The following CNTN5 variants were observed in gnomAD, a reference collection of about 807,000 sequenced individuals.
The protein encoded by CNTN5 is contactin 5.
A neutral mutation model predicts 129.1 loss-of-function variants in CNTN5; 77 were observed. That is an observed-to-expected ratio of 0.60 (90% CI 0.50 to 0.72). The LOEUF (loss-of-function observed/expected upper bound fraction) is 0.72, where lower values mean the gene tolerates loss of function less well. Among genes scored for constraint, CNTN5 ranks in the 30% least tolerant of loss-of-function variants. CNTN5 has a pLI of 0.00. For synonymous variants in CNTN5, 509 were observed against 465.6 expected (o/e 1.09, Z -1.20); for missense variants, 1,478 against 1,328.8 (o/e 1.11, Z -1.75).
intron 2 of CNTN5, among the ~76,000 whole-genome samples, chr11:99,519,467 A>G (rs1220925705): frequency 6.6e-6 from 1 of 152,054 alleles, no homozygotes; most frequent in Non-Finnish European, 1.5e-5. Flanking sequence ...TCTGTTTCTA[A>G]GGTGTCTATC....
chr11:100,317,809 C>T (rs1325312041), intron 21 of CNTN5, among the ~76,000 whole-genome samples: 2 of 152,154 alleles, frequency 1.3e-5, no homozygotes, highest in African/African-American at 4.8e-5. Flanking sequence ...AATTCTGTAA[C>T]TAAAACAACT....
At chr11:99,440,498 T>C (rs1031870795) in intron 2 of CNTN5, among the ~76,000 whole-genome samples, 63 of 152,162 alleles carry the variant, frequency 4.1e-4, no homozygotes, top group African/African-American at 1.5e-3. Flanking sequence ...TCTAATCCAC[T>C]GTGCTTTCTG....
At chr11:99,202,890 G>A (rs753265757) in intron 1 of CNTN5, among the ~76,000 whole-genome samples, 14 of 151,598 alleles carry the variant, frequency 9.2e-5, no homozygotes, top group Non-Finnish European at 1.5e-4. Context: ...ATTTTCAATG[G>A]TTTTAAATTG....
intron 6 of CNTN5, among the ~76,000 whole-genome samples, chr11:99,889,942 T>A (rs772363809): frequency 6.6e-6 from 1 of 152,206 alleles, no homozygotes; most frequent in Non-Finnish European, 1.5e-5. Flanking sequence ...TTCTACATAC[T>A]GATTTATTTT....
intron 3 of CNTN5, among the ~76,000 whole-genome samples, chr11:99,702,111 C>T (rs1591501223): frequency 6.6e-6 from 1 of 150,910 alleles, no homozygotes; most frequent in East Asian, 1.9e-4. Context: ...GACAAAAGCT[C>T]ACAAAAACTA....
At chr11:99,242,619 G>A (rs1486873587) in intron 1 of CNTN5, among the ~76,000 whole-genome samples, 1 of 152,136 alleles carries the variant, frequency 6.6e-6, no homozygotes, top group Admixed American at 6.5e-5. Context: ...TAGTTTTTCA[G>A]TTCTTGCCCT....
chr11:99,126,793 T>A (rs1858657473), intron 1 of CNTN5, among the ~76,000 whole-genome samples: 1 of 152,210 alleles, frequency 6.6e-6, no homozygotes, highest in African/African-American at 2.4e-5. Flanking sequence ...CTCTAATAGA[T>A]ATGTAGATTT....
At chr11:100,062,857 C>T (rs1345498111) in intron 10 of CNTN5, among the ~76,000 whole-genome samples, 1 of 152,188 alleles carries the variant, frequency 6.6e-6, no homozygotes, top group Non-Finnish European at 1.5e-5. Context: ...AGACAACGCT[C>T]TCTAGCCATA....
intron 2 of CNTN5, among the ~76,000 whole-genome samples, chr11:99,385,289 C>T (rs149623653): frequency 2.2e-4 from 33 of 152,172 alleles, no homozygotes; most frequent in Admixed American, 9.8e-4. Context: ...TCAACATCAA[C>T]GTCTTCTCAA....
At chr11:99,595,487 C>T (rs897117202) in intron 3 of CNTN5, among the ~76,000 whole-genome samples, 34 of 151,998 alleles carry the variant, frequency 2.2e-4, no homozygotes, top group Non-Finnish European at 3.4e-4. Flanking sequence ...AAACATGTCT[C>T]TTTTAAACAA....
chr11:99,360,176 G>T (rs919168846), intron 2 of CNTN5, among the ~76,000 whole-genome samples: 4 of 152,164 alleles, frequency 2.6e-5, no homozygotes, highest in Non-Finnish European at 5.9e-5. Flanking sequence ...GGCAAGAGTT[G>T]GACCCCTGAA....
At chr11:99,494,924 C>T (rs1051595529) in intron 2 of CNTN5, among the ~76,000 whole-genome samples, 2 of 152,084 alleles carry the variant, frequency 1.3e-5, no homozygotes, top group Admixed American at 1.3e-4. Flanking sequence ...CAGATTCTTG[C>T]TCATATTTTG....
chr11:99,734,195 T>C (rs1943626147), intron 3 of CNTN5, among the ~76,000 whole-genome samples: 1 of 152,222 alleles, frequency 6.6e-6, no homozygotes. Flanking sequence ...TCAGAGTCAA[T>C]GGAGTATCCA....
chr11:99,241,570 G>T (rs1472948765), intron 1 of CNTN5, among the ~76,000 whole-genome samples: 1 of 152,048 alleles, frequency 6.6e-6, no homozygotes, highest in Non-Finnish European at 1.5e-5. Context: ...ATACATATAT[G>T]TGTGTGTAGG....
chr11:99,838,840 C>A (rs1947386863), intron 4 of CNTN5, among the ~76,000 whole-genome samples: 2 of 152,064 alleles, frequency 1.3e-5, no homozygotes, highest in South Asian at 4.1e-4. Context: ...AAGGAAGTTG[C>A]ATTACTTAGT....
intron 3 of CNTN5, among the ~76,000 whole-genome samples, chr11:99,749,543 C>A (rs2135208069): frequency 6.6e-6 from 1 of 152,258 alleles, no homozygotes; most frequent in South Asian, 2.1e-4. Context: ...GAGCACCTGA[C>A]ACCTCAGTGG....
chr11:99,727,959 C>T (rs773315654), intron 3 of CNTN5, among the ~76,000 whole-genome samples: 31 of 152,138 alleles, frequency 2.0e-4, no homozygotes, highest in Non-Finnish European at 3.7e-4. Context: ...TCTGAGGTTT[C>T]GAATGCATTC....
At chr11:99,555,783 G>C (rs1948644887) in intron 2 of CNTN5, among the ~76,000 whole-genome samples, 2 of 151,718 alleles carry the variant, frequency 1.3e-5, no homozygotes, top group South Asian at 2.1e-4. Context: ...AATGTAACTG[G>C]TTTCTCTACC....
chr11:99,571,914 CTT>C (rs1220446133), intron 3 of CNTN5, among the ~76,000 whole-genome samples: 23 of 152,076 alleles, frequency 1.5e-4, no homozygotes, highest in Non-Finnish European at 5.9e-5. Context: ...GCTATAAAGA[CTT>C]TGAAGAAAGT....
Sources: allele counts gnomAD v4.1 joint callset (sites outside exome capture counted in the v4.1 genomes callset), GRCh38; gene constraint gnomAD v4.1.1; transcripts MANE v1.5; gene names NCBI Gene and HGNC (gene_info 2026-07-23, HGNC 2026-07-21).